The following TMEM181 variants were observed in gnomAD, a reference collection of about 807,000 sequenced individuals.
The protein encoded by TMEM181 is transmembrane protein 181, also known as G protein-coupled receptor 178.
Under a neutral mutation model 71.9 loss-of-function variants are expected in TMEM181, and 39 were observed. The ratio of observed to expected loss-of-function variants is 0.54; its 90% confidence interval spans 0.42 to 0.71. The LOEUF (loss-of-function observed/expected upper bound fraction) is 0.71. TMEM181 is among the 30% of genes least tolerant of loss of function. The pLI, the probability that TMEM181 is intolerant of heterozygous loss-of-function variation, is 0.00. For missense variants in TMEM181, 595 were observed against 583.0 expected (o/e 1.02, Z -0.21); for synonymous variants, 245 against 228.8 (o/e 1.07, Z -0.64).
chr6:158,561,155 A>T (rs1055391451), intron 1 of TMEM181, among the ~76,000 whole-genome samples: 3 of 152,068 alleles, frequency 2.0e-5, no homozygotes, highest in Non-Finnish European at 2.9e-5. Context: ...TTTGCTTTGG[A>T]TCTTTGCTGA....
intron 5 of TMEM181, among the ~76,000 whole-genome samples, chr6:158,586,111 T>G (rs1052254440): frequency 1.3e-5 from 2 of 152,206 alleles, no homozygotes; most frequent in Non-Finnish European, 2.9e-5. Context: ...CCTACCTTTT[T>G]GAGCATCTAC....
At position 158,549,360 on chromosome 6, in the gene TMEM181, C is replaced by T. The variant is rs1470119814; in HGVS notation, c.131+12495C>T. ...CGAACTCCTGACGTCGTGATCCACC[C>T]GCCTTGGCCTCCCAAAGTACTGGGA... On this transcript the variant is annotated intron_variant, in intron 1 of 16. Transcript: ENST00000367090. Among the ~76,000 whole-genome samples the T allele has an allele frequency of 3.9e-5, 6 of 152,260 alleles. No individual in the cohort carries two copies. In the South Asian group the frequency reaches 8.3e-4, roughly 21 times the overall value.
chr6:158,554,053 C>T (rs1368963400), intron 1 of TMEM181, among the ~76,000 whole-genome samples: 2 of 151,862 alleles, frequency 1.3e-5, no homozygotes, highest in African/African-American at 2.4e-5. Context: ...ATTACAGGTG[C>T]CAGCCACCAC....
chr6:158,584,152 A>G (rs1244866758), intron 4 of TMEM181, 108 bp downstream of exon 4: 1 of 854,920 alleles, frequency 1.2e-6, no homozygotes, highest in Non-Finnish European at 1.8e-6. Flanking sequence ...AGATAGATGT[A>G]TAAGGATGTC....
intron 6 of TMEM181, among the ~76,000 whole-genome samples, chr6:158,604,349 T>TGTGC (rs1006423860): frequency 6.9e-6 from 1 of 145,738 alleles, no homozygotes; most frequent in Non-Finnish European, 1.5e-5. Context: ...TGTGTGTGTG[T>TGTGC]GTGCGTGATG....
intron 13 of TMEM181, chr6:158,626,670 C>CTG: frequency 4.4e-6 from 2 of 457,346 alleles, no homozygotes; most frequent in Non-Finnish European, 8.8e-6. Context: ...CAGAATAATG[C>CTG]TGCATGTGTG....
At chr6:158,624,747 C>CA (rs1309312718) in intron 11 of TMEM181, among the ~76,000 whole-genome samples, 1 of 152,234 alleles carries the variant, frequency 6.6e-6, no homozygotes, top group Non-Finnish European at 1.5e-5. Flanking sequence ...CACCTTCCCA[C>CA]ATGCAGGGGC....
intron 2 of TMEM181, among the ~76,000 whole-genome samples, chr6:158,577,209 G>T (rs1403107866): frequency 1.3e-5 from 2 of 152,164 alleles, no homozygotes. Context: ...TCTTAAAGGT[G>T]CTGAGGCAAC....
chr6:158,589,015 C>T (rs941751606), intron 5 of TMEM181, among the ~76,000 whole-genome samples: 9 of 152,166 alleles, frequency 5.9e-5, no homozygotes, highest in Admixed American at 5.9e-4. Flanking sequence ...TTTGTCCTCC[C>T]TGCCACTCCG....
At chr6:158,571,312 G>A (rs770202889) in intron 1 of TMEM181, among the ~76,000 whole-genome samples, 5 of 150,712 alleles carry the variant, frequency 3.3e-5, no homozygotes, top group Non-Finnish European at 7.4e-5. Flanking sequence ...TTAGCAGGAT[G>A]GTCTCGATCT....
intron 1 of TMEM181, among the ~76,000 whole-genome samples, chr6:158,570,961 G>T (rs150145252): frequency 0.023 from 3,414 of 151,086 alleles, 142 homozygotes; most frequent in African/African-American, 0.079. Flanking sequence ...TCACCTGGCT[G>T]GAGTGCAGTG....
chr6:158,609,120 A>C (rs184867431), intron 10 of TMEM181, among the ~76,000 whole-genome samples: 183 of 151,898 alleles, frequency 1.2e-3, no homozygotes, highest in African/African-American at 4.3e-3. Context: ...AAAGGTGAAA[A>C]GGCTTACAAT....
chr6:158,631,496 C>A, intron 16 of TMEM181, 107 bp downstream of exon 16: 1 of 1,248,246 alleles, frequency 8.0e-7, no homozygotes, highest in Non-Finnish European at 1.2e-6. Flanking sequence ...GGTATGAAGG[C>A]ATTTACCTTG....
chr6:158,609,354 TCACAGGCTGCTCAAAAA>T (rs1019927584), intron 10 of TMEM181, among the ~76,000 whole-genome samples: 1 of 152,112 alleles, frequency 6.6e-6, no homozygotes, highest in African/African-American at 2.4e-5. Context: ...GTGACTTTAG[TCACAGGCTGCTCAAAAA>T]CACAGGCTGC....
In TMEM181 at chr6:158,608,732, C is replaced by T. The variant is rs764560943; in HGVS notation, c.878C>T (p.Thr293Met). The T allele has an allele frequency of 2.7e-5, 44 of 1,612,910 alleles. No homozygotes were observed. Among genetic ancestry groups the T allele is most frequent in the Non-Finnish European group, 3.6e-5 (42 of 1,179,742 alleles). Residue 293 changes from threonine to methionine, a missense_variant, in exon 10 of 17, where the codon ACG becomes ATG. Thr to Met is a moderately conservative substitution (Grantham distance 81, BLOSUM62 -1). Coordinates refer to ENST00000684151, the MANE Select transcript of TMEM181 (RefSeq NM_001376852.1). The part of the protein sequence containing the change: ...IVGLLWLASV[T>M]LGIWQTVNEL... Reference sequence around the variant, plus strand: ...GGACTATTGTGGTTGGCTTCTGTTACGCTAGGAATATGGCAAACGTGAGTA... The same window carrying T: ...GGACTATTGTGGTTGGCTTCTGTTATGCTAGGAATATGGCAAACGTGAGTA...
chr6:158,564,187 T>G (rs772592358), intron 1 of TMEM181, among the ~76,000 whole-genome samples: 2 of 152,204 alleles, frequency 1.3e-5, no homozygotes, highest in Non-Finnish European at 2.9e-5. Context: ...CAAAACCCAT[T>G]AGCTGGTAGG....
At chr6:158,565,468 C>G (rs932455240) in intron 1 of TMEM181, among the ~76,000 whole-genome samples, 1 of 152,192 alleles carries the variant, frequency 6.6e-6, no homozygotes, top group Non-Finnish European at 1.5e-5. Context: ...CTGCCAGGAA[C>G]TGCTGTGCCC....
rs766794811 is a variant in TMEM181 at position 158,573,483 on chromosome 6, C to A, written c.72C>A (p.Phe24Leu). The A allele has an allele frequency of 9.3e-6, 15 of 1,607,278 alleles. No homozygotes were observed. The highest frequency in any genetic ancestry group is 1.3e-5 in the African/African-American group (1 of 74,786). ...KRHFVLVFVV[F>L]FICFGLTIFV... ...ACTTTGTCCTCGTGTTTGTCGTCTT[C>A]TTCATCTGCTTTGGCCTGACCATCT... Residue 24 changes from phenylalanine (F) to leucine (L), a missense_variant, in exon 2 of 17, where the codon TTC becomes TTA. Transcript: ENST00000684151.
chr6:158,626,784 CTCACTCATGCCT>C (rs1453637126), intron 13 of TMEM181: 17 of 456,422 alleles, frequency 3.7e-5, no homozygotes, highest in Non-Finnish European at 7.5e-5. Context: ...TCACTCACAC[CTCACTCATGCCT>C]TCACTCACAA....
Sources: gnomAD v4.1 joint callset for allele counts (sites outside exome capture counted in the v4.1 genomes callset) on GRCh38, gnomAD v4.1.1 for gene constraint, MANE v1.5 for transcripts, NCBI Gene and HGNC (gene_info 2026-07-23, HGNC 2026-07-21) for gene names.